SPPL3: variants seen among roughly 807,000 people sequenced by gnomAD.
SPPL3 encodes signal peptide peptidase like 3.
In SPPL3, 5 loss-of-function variants were observed where a neutral mutation model predicts 42.4. That is an observed-to-expected ratio of 0.12 (90% confidence interval 0.06 to 0.25). SPPL3 has a LOEUF of 0.25. Ranked by LOEUF, SPPL3 falls within the 10% of genes least tolerant of loss-of-function variation. SPPL3 has a pLI of 1.00. For missense variants in SPPL3, 235 were observed against 489.0 expected (o/e 0.48, Z 4.90); for synonymous variants, 195 against 181.8 (o/e 1.07, Z -0.58).
At chr12:120,824,070 C>T (rs949617003) in intron 1 of SPPL3, among the ~76,000 whole-genome samples, 4 of 151,938 alleles carry the variant, frequency 2.6e-5, no homozygotes, top group Non-Finnish European at 5.9e-5. Context: ...TGGGGTTTCA[C>T]GGTGTTAGCC....
At chr12:120,864,874 C>T (rs748585668) in intron 1 of SPPL3, among the ~76,000 whole-genome samples, 2 of 152,042 alleles carry the variant, frequency 1.3e-5, no homozygotes, top group Non-Finnish European at 2.9e-5. Flanking sequence ...TTTTTTTACG[C>T]ATTCTTAAGT....
chr12:120,895,384 G>A (rs912601256), intron 1 of SPPL3, among the ~76,000 whole-genome samples: 3 of 150,094 alleles, frequency 2.0e-5, no homozygotes, highest in African/African-American at 2.5e-5. Flanking sequence ...CCAAGATCGC[G>A]CCACTGTACT....
chr12:120,847,557 G>C (rs978787922), intron 1 of SPPL3, among the ~76,000 whole-genome samples: 1 of 152,046 alleles, frequency 6.6e-6, no homozygotes. Context: ...GCCTCCCGAG[G>C]TGCTGGGATT....
At chr12:120,898,624 A>G (rs2137072595) in intron 1 of SPPL3, among the ~76,000 whole-genome samples, 1 of 152,234 alleles carries the variant, frequency 6.6e-6, no homozygotes, top group East Asian at 1.9e-4. Flanking sequence ...GAAGAAACCC[A>G]GCAAAGAGGC....
intron 1 of SPPL3, among the ~76,000 whole-genome samples, chr12:120,859,701 T>C (rs1872571287): frequency 6.6e-6 from 1 of 151,750 alleles, no homozygotes. Flanking sequence ...CCCAGCACTC[T>C]GGGAGGTCGA....
At chr12:120,901,801 T>C (rs1943748021) in intron 1 of SPPL3, 4 of 712,722 alleles carry the variant, frequency 5.6e-6, no homozygotes, top group Non-Finnish European at 6.9e-6. Context: ...AATTTGTAAA[T>C]TGTCAAACTT....
At chr12:120,812,085 C>A (rs1309794205) in intron 1 of SPPL3, among the ~76,000 whole-genome samples, 2 of 143,310 alleles carry the variant, frequency 1.4e-5, no homozygotes, top group South Asian at 2.3e-4. Context: ...TTCTGCTTAG[C>A]TGGCTTTGTA....
At chr12:120,836,356 C>G (rs1489971158) in intron 1 of SPPL3, among the ~76,000 whole-genome samples, 1 of 152,092 alleles carries the variant, frequency 6.6e-6, no homozygotes, top group Non-Finnish European at 1.5e-5. Flanking sequence ...TCCAGGCTCT[C>G]CTGTTGGAAA....
intron 1 of SPPL3, among the ~76,000 whole-genome samples, chr12:120,876,385 G>A (rs1051151992): frequency 4.6e-5 from 7 of 151,868 alleles, no homozygotes; most frequent in Middle Eastern, 3.4e-3. Context: ...AGGCTGAGGC[G>A]GGCAGATCAT....
chr12:120,880,964 G>C (rs1873260284), intron 1 of SPPL3, among the ~76,000 whole-genome samples: 1 of 151,064 alleles, frequency 6.6e-6, no homozygotes, highest in Non-Finnish European at 1.5e-5. Context: ...CAGATGCTCA[G>C]CATCACTAAT....
At chr12:120,838,885 C>T (rs1396272394) in intron 1 of SPPL3, among the ~76,000 whole-genome samples, 3 of 152,116 alleles carry the variant, frequency 2.0e-5, no homozygotes, top group African/African-American at 7.2e-5. Flanking sequence ...TATGGAGAAA[C>T]AGGAACACTT....
intron 1 of SPPL3, among the ~76,000 whole-genome samples, chr12:120,880,231 A>G (rs886747127): frequency 2.0e-5 from 3 of 152,092 alleles, no homozygotes; most frequent in African/African-American, 7.3e-5. Context: ...TGAATTACAC[A>G]AAAGAATGAA....
At chr12:120,832,036 A>G (rs923296668) in intron 1 of SPPL3, among the ~76,000 whole-genome samples, 1 of 152,190 alleles carries the variant, frequency 6.6e-6, no homozygotes, top group Non-Finnish European at 1.5e-5. Context: ...TTTATCACCA[A>G]TCTGAAATCT....
intron 1 of SPPL3, among the ~76,000 whole-genome samples, chr12:120,900,581 G>C (rs1190355771): frequency 7.1e-6 from 1 of 140,566 alleles, no homozygotes; most frequent in Non-Finnish European, 1.5e-5. Flanking sequence ...ATGATAAAGT[G>C]AGACCCTGTC....
At chr12:120,844,767 A>G (rs1871961083) in intron 1 of SPPL3, among the ~76,000 whole-genome samples, 1 of 151,932 alleles carries the variant, frequency 6.6e-6, no homozygotes, top group African/African-American at 2.4e-5. Flanking sequence ...AGCCAAGGGC[A>G]TGCCCAGCAC....
At chr12:120,852,294 GAT>G (rs975252096) in intron 1 of SPPL3, among the ~76,000 whole-genome samples, 9 of 147,434 alleles carry the variant, frequency 6.1e-5, no homozygotes, top group South Asian at 4.2e-4. Flanking sequence ...TTCTATTAAA[GAT>G]ATATATCTTT....
At chr12:120,851,870 C>T (rs1356590183) in intron 1 of SPPL3, among the ~76,000 whole-genome samples, 1 of 152,164 alleles carries the variant, frequency 6.6e-6, no homozygotes, top group African/African-American at 2.4e-5. Context: ...TCCCAAAGTG[C>T]TGGGATTACA....
intron 1 of SPPL3, chr12:120,902,027 C>G (rs1873999115): frequency 1.7e-6 from 1 of 577,648 alleles, no homozygotes; most frequent in South Asian, 7.6e-5. Flanking sequence ...GTATGAGAAG[C>G]TCAAGATGAG....
chr12:120,900,589 G>GTCT (rs1873944828), intron 1 of SPPL3, among the ~76,000 whole-genome samples: 2 of 125,158 alleles, frequency 1.6e-5, no homozygotes, highest in African/African-American at 6.3e-5. Context: ...GTGAGACCCT[G>GTCT]TCTCAAGGAA....
Sources: allele counts gnomAD v4.1 joint callset (sites outside exome capture counted in the v4.1 genomes callset), GRCh38; gene constraint gnomAD v4.1.1; transcripts MANE v1.5; gene names NCBI Gene and HGNC (gene_info 2026-07-23, HGNC 2026-07-21).